ADAMTSL3: variants seen among roughly 807,000 people sequenced by gnomAD.
ADAMTSL3 encodes ADAMTS-like protein 3.
ADAMTSL3 carries 128 observed loss-of-function variants against 201.7 expected under a neutral mutation model. That is an observed-to-expected ratio of 0.63 (90% CI 0.55 to 0.73). ADAMTSL3 has a LOEUF of 0.73. ADAMTSL3 is among the 30% of genes least tolerant of loss of function. The pLI is 0.00. For synonymous variants in ADAMTSL3, 738 were observed against 748.4 expected (o/e 0.99, Z 0.23); for missense variants, 1,990 against 2,119.6 (o/e 0.94, Z 1.20).
chr15:83,826,742 T>A (rs1480697878), intron 6 of ADAMTSL3, among the ~76,000 whole-genome samples: 1 of 148,390 alleles, frequency 6.7e-6, no homozygotes, highest in Middle Eastern at 3.3e-3. Context: ...TTCCCACCTA[T>A]GAGTGAGAAC....
intron 27 of ADAMTSL3, among the ~76,000 whole-genome samples, chr15:84,030,313 A>G (rs1288751004): frequency 6.6e-6 from 1 of 152,180 alleles, no homozygotes; most frequent in South Asian, 2.1e-4. Context: ...GCCACAGAGG[A>G]GGAGCTGCTT....
chr15:83,696,293 C>T (rs1039380820), intron 2 of ADAMTSL3, among the ~76,000 whole-genome samples: 4 of 152,212 alleles, frequency 2.6e-5, no homozygotes, highest in Admixed American at 1.3e-4. Flanking sequence ...CACTGCAGTG[C>T]GGCCTTGACC....
chr15:83,928,043 A>G (rs1175400451), intron 17 of ADAMTSL3, among the ~76,000 whole-genome samples: 2 of 151,696 alleles, frequency 1.3e-5, no homozygotes, highest in Admixed American at 1.3e-4. Context: ...CGGTATGATC[A>G]CAGTTCACTG....
At chr15:83,733,028 A>G (rs936868564) in intron 3 of ADAMTSL3, among the ~76,000 whole-genome samples, 2 of 152,172 alleles carry the variant, frequency 1.3e-5, no homozygotes, top group African/African-American at 4.8e-5. Flanking sequence ...CTTGTAAGGA[A>G]TTCCTGAGCT....
intron 4 of ADAMTSL3, among the ~76,000 whole-genome samples, chr15:83,790,424 A>C (rs1297341010): frequency 2.0e-5 from 3 of 151,714 alleles, no homozygotes; most frequent in Non-Finnish European, 4.4e-5. Flanking sequence ...AGGCTGTTTC[A>C]GTATTTGAAA....
rs1034311967 is a variant in ADAMTSL3 at position 84,000,059 on chromosome 15, C to CA, written c.3973+8857dup. 6.4e-3 allele frequency among the ~76,000 whole-genome samples: 861 copies of CA among 134,568 alleles called. 7 individuals are homozygous for CA. The highest frequency in any genetic ancestry group is 0.016 in the African/African-American group (589 of 37,064). 88.3% of individuals were successfully genotyped at this position (134,568 alleles called of 152,430 possible). A position where few individuals can be genotyped will look rare whatever the true frequency, so the allele number is the denominator to read the frequency against. Reference sequence around the variant, plus strand: ...TCTTTAAGTCATAAATCCCTTTGGCCAAAAAAAAAAAAGAACTATCTCTCC... The same window carrying CA: ...TCTTTAAGTCATAAATCCCTTTGGCCAAAAAAAAAAAAAGAACTATCTCTCC... On this transcript the variant is annotated intron_variant, in intron 23 of 29. Coordinates refer to ENST00000286744, the MANE Select transcript of ADAMTSL3 (RefSeq NM_207517.3).
intron 2 of ADAMTSL3, among the ~76,000 whole-genome samples, chr15:83,693,034 C>T (rs1179698512): frequency 6.6e-6 from 1 of 152,036 alleles, no homozygotes; most frequent in Non-Finnish European, 1.5e-5. Context: ...TGTCTCATTG[C>T]CAAATTGGGA....
chr15:83,865,277 T>G (rs7182380), intron 8 of ADAMTSL3, among the ~76,000 whole-genome samples: 53,953 of 151,918 alleles, frequency 0.36, 10,801 homozygotes, highest in East Asian at 0.56. Flanking sequence ...AAAGTTCATA[T>G]GGAACCAAAA....
intron 16 of ADAMTSL3, among the ~76,000 whole-genome samples, chr15:83,918,059 A>G (rs113256368): frequency 6.6e-6 from 1 of 152,128 alleles, no homozygotes; most frequent in Non-Finnish European, 1.5e-5. Context: ...TTTTCAGCTT[A>G]TTTTTATGAG....
At chr15:83,736,713 G>A (rs17158657) in intron 3 of ADAMTSL3, among the ~76,000 whole-genome samples, 18,214 of 152,080 alleles carry the variant, frequency 0.12, 1,249 homozygotes, top group East Asian at 0.28. Context: ...GGTAGGTAGC[G>A]GGTAAGTGGA....
intron 16 of ADAMTSL3, 71 bp downstream of exon 16, chr15:83,913,449 G>A (rs2141961311): frequency 2.0e-6 from 3 of 1,505,492 alleles, no homozygotes; most frequent in Non-Finnish European, 2.7e-6. Context: ...ACTCAATCAG[G>A]TAAGCCAAAT....
intron 6 of ADAMTSL3, among the ~76,000 whole-genome samples, chr15:83,822,584 A>G (rs980786559): frequency 6.9e-6 from 1 of 144,518 alleles, no homozygotes; most frequent in African/African-American, 2.6e-5. Flanking sequence ...CGCTCCCCAC[A>G]TCTCAGACGA....
chr15:83,906,622 C>CCACACACA (rs1157198460), intron 15 of ADAMTSL3, among the ~76,000 whole-genome samples: 13 of 79,034 alleles, frequency 1.6e-4, no homozygotes, highest in South Asian at 8.9e-4. Context: ...GTGCCACACA[C>CCACACACA]CACACACACA....
At chr15:83,914,891 G>GT (rs1202819074) in intron 16 of ADAMTSL3, among the ~76,000 whole-genome samples, 3 of 151,694 alleles carry the variant, frequency 2.0e-5, no homozygotes, top group South Asian at 2.1e-4. Flanking sequence ...TTTTTTGTGG[G>GT]TTTTTTTATG....
intron 7 of ADAMTSL3, among the ~76,000 whole-genome samples, chr15:83,841,965 G>T (rs1363896861): frequency 6.6e-6 from 1 of 151,584 alleles, no homozygotes; most frequent in Non-Finnish European, 1.5e-5. Flanking sequence ...AAATTTGGCC[G>T]AGGGCGGACG....
chr15:83,905,740 C>T (rs1212005759), intron 15 of ADAMTSL3, among the ~76,000 whole-genome samples: 1 of 152,122 alleles, frequency 6.6e-6, no homozygotes, highest in East Asian at 1.9e-4. Context: ...TCTCATTGGA[C>T]ATATTTTCTG....
chr15:83,900,649 TC>T (rs1850780930), intron 15 of ADAMTSL3, among the ~76,000 whole-genome samples: 1 of 152,246 alleles, frequency 6.6e-6, no homozygotes, highest in Admixed American at 6.5e-5. Flanking sequence ...AGCAGGCATT[TC>T]TTCTTCAACA....
At chr15:83,842,605 A>G (rs2064406213) in intron 7 of ADAMTSL3, among the ~76,000 whole-genome samples, 1 of 152,364 alleles carries the variant, frequency 6.6e-6, no homozygotes, top group East Asian at 1.9e-4. Flanking sequence ...ATTTGTAAAC[A>G]TATTTGAAAA....
At chr15:83,784,724 T>C (rs1596202776) in intron 4 of ADAMTSL3, among the ~76,000 whole-genome samples, 2 of 152,190 alleles carry the variant, frequency 1.3e-5, no homozygotes, top group East Asian at 3.8e-4. Context: ...TTTTAATAAT[T>C]ATTTTATAAC....
Sources: gnomAD v4.1 joint callset for allele counts (sites outside exome capture counted in the v4.1 genomes callset) on GRCh38, gnomAD v4.1.1 for gene constraint, MANE v1.5 for transcripts, NCBI Gene and HGNC (gene_info 2026-07-23, HGNC 2026-07-21) for gene names.